SUMF2: variants seen among roughly 807,000 people sequenced by gnomAD.
The protein encoded by SUMF2 is inactive C-alpha-formylglycine-generating enzyme 2.
A neutral mutation model predicts 44.8 loss-of-function variants in SUMF2; 45 were observed. That is an observed-to-expected ratio of 1.00 (90% CI 0.79 to 1.29). The LOEUF (loss-of-function observed/expected upper bound fraction) is 1.29, where lower values mean the gene tolerates loss of function less well. Among genes scored for constraint, SUMF2 ranks in the 50% most tolerant of loss-of-function variants. The probability of loss-of-function intolerance (pLI) is 0.00; values close to 1 mark genes in which losing one functional copy is unlikely to be tolerated. For synonymous variants in SUMF2, 148 were observed against 150.4 expected (o/e 0.98, Z 0.12); for missense variants, 418 against 389.9 (o/e 1.07, Z -0.61).
At chr7:56,081,798 C>T (rs1396171123), downstream of SUMF2, 1 of 1,573,092 alleles carries the variant, frequency 6.4e-7, no homozygotes, top group African/African-American at 1.3e-5. This position sits in a 1 kb window ranked among gnomAD's most constrained non-coding sequence, Gnocchi z 4.6. Context: ...CAAGGCAGGT[C>T]CCCTCCAGCA....
the SUMF2 span, among the ~76,000 whole-genome samples, chr7:56,085,820 A>G: frequency 6.6e-6 from 1 of 151,934 alleles, no homozygotes; most frequent in Non-Finnish European, 1.5e-5. Flanking sequence ...TACACACATA[A>G]AAAATTTGCT....
chr7:56,074,333 G>A lies in SUMF2; in HGVS notation c.384+115G>A, dbSNP rs1584591032. ...GAACACTGAGTTTCAAAGAAGGATA[G>A]GGGAATATCAGGGAAAGCGCTCAGC... On this transcript the variant is annotated intron_variant, in intron 4 of 8. Coordinates refer to ENST00000434526, the MANE Select transcript of SUMF2 (RefSeq NM_015411.4). The A allele has an allele frequency of 1.1e-5, 14 of 1,232,996 alleles. No individual in the cohort carries two copies. The East Asian group carries it at 3.3e-4, about 29-fold the overall frequency. 76.4% of individuals were successfully genotyped at this position (1,232,996 alleles called of 1,614,324 possible). A position where few individuals can be genotyped will look rare whatever the true frequency, so the allele number is the denominator to read the frequency against.
chr7:56,082,471 T>C (rs1364599780), downstream of SUMF2, among the ~76,000 whole-genome samples: 3 of 152,114 alleles, frequency 2.0e-5, no homozygotes, highest in African/African-American at 7.2e-5. Flanking sequence ...CATGTGCCTG[T>C]AGTCCCAGCT....
chr7:56,079,318 T>C, intron 8 of SUMF2: 1 of 585,624 alleles, frequency 1.7e-6, no homozygotes, highest in South Asian at 2.2e-5. Context: ...AGACTCCTTT[T>C]GTCCCAAAGC....
chr7:56,074,440 A>G, intron 4 of SUMF2, 146 bp from the exon 5 acceptor site: 1 of 1,143,810 alleles, frequency 8.7e-7, no homozygotes. Context: ...CTTTTTTCTG[A>G]CTCCGACCAC....
chr7:56,068,031 C>CTTTTTTT (rs565131237), intron 1 of SUMF2, among the ~76,000 whole-genome samples: 1 of 110,350 alleles, frequency 9.1e-6, no homozygotes, highest in Admixed American at 9.8e-5. Context: ...TTTTTTCTTT[C>CTTTTTTT]TTTTTTTTTT....
chr7:56,082,818 C>T (rs1207048195), downstream of SUMF2, among the ~76,000 whole-genome samples: 2 of 151,948 alleles, frequency 1.3e-5, no homozygotes, highest in Non-Finnish European at 2.9e-5. Context: ...TGAAGAAATG[C>T]CTAGCCCTGC....
downstream of SUMF2, among the ~76,000 whole-genome samples, chr7:56,082,926 T>G (rs1292381231): frequency 2.6e-5 from 4 of 151,824 alleles, no homozygotes; most frequent in African/African-American, 9.7e-5. Context: ...ACCAACATGG[T>G]GAAACCCTGT....
chr7:56,068,790 C>T, intron 2 of SUMF2, 152 bp downstream of exon 2: 1 of 838,812 alleles, frequency 1.2e-6, no homozygotes. Flanking sequence ...GCAACCTCCA[C>T]CTCCCGGGTT....
intron 4 of SUMF2, 140 bp downstream of exon 4, chr7:56,074,358 C>A: frequency 9.3e-7 from 1 of 1,073,464 alleles, no homozygotes; most frequent in Non-Finnish European, 1.4e-6. Flanking sequence ...AAGCGCTCAG[C>A]AGGCCTGTTT....
intron 8 of SUMF2, chr7:56,079,282 C>T: frequency 1.8e-6 from 1 of 563,166 alleles, no homozygotes; most frequent in Non-Finnish European, 3.2e-6. Context: ...TCTCTTGGGG[C>T]CACTGTCCCT....
chr7:56,085,840 G>C, the SUMF2 span, among the ~76,000 whole-genome samples: 1 of 152,008 alleles, frequency 6.6e-6, no homozygotes, highest in African/African-American at 2.4e-5. Flanking sequence ...TGGGCATGGT[G>C]GTGGGTGCCT....
At chr7:56,085,589 C>T (rs937731435), downstream of SUMF2, among the ~76,000 whole-genome samples, 2 of 152,168 alleles carry the variant, frequency 1.3e-5, no homozygotes, top group Non-Finnish European at 2.9e-5. Context: ...TACCACCTGC[C>T]TCTCTCCTCA....
chr7:56,068,459 G>GT (rs1794954193), intron 1 of SUMF2, 23 bp from the exon 2 acceptor site: 8 of 1,597,102 alleles, frequency 5.0e-6, no homozygotes, highest in African/African-American at 1.4e-5. Flanking sequence ...TGTATTACTG[G>GT]TAACTCTCTT....
intron 8 of SUMF2, chr7:56,078,902 CTT>C (rs373822074): frequency 7.3e-4 from 288 of 392,146 alleles, no homozygotes; most frequent in South Asian, 3.2e-3. Context: ...CACGAAAAAT[CTT>C]TTTTTTTTTT....
chr7:56,081,756 C>G, downstream of SUMF2: 1 of 1,613,066 alleles, frequency 6.2e-7, no homozygotes, highest in East Asian at 2.2e-5. This position sits in a 1 kb window ranked among gnomAD's most constrained non-coding sequence, Gnocchi z 4.6. Context: ...ATCGGGAGAC[C>G]TGTGAGAGGA....
chr7:56,087,239 A>G, the SUMF2 span, among the ~76,000 whole-genome samples: 2 of 145,594 alleles, frequency 1.4e-5, no homozygotes, highest in East Asian at 3.9e-4. Context: ...TATTATTATT[A>G]GAGACAGGAT....
At chr7:56,074,445 G>A in intron 4 of SUMF2, 141 bp from the exon 5 acceptor site, 2 of 1,186,374 alleles carry the variant, frequency 1.7e-6, no homozygotes, top group South Asian at 1.5e-5. Context: ...TTCTGACTCC[G>A]ACCACTGGTC....
intron 2 of SUMF2, among the ~76,000 whole-genome samples, chr7:56,072,018 G>C (rs1044501996): frequency 1.4e-5 from 2 of 144,670 alleles, no homozygotes; most frequent in Non-Finnish European, 3.0e-5. Context: ...TGAGGCAAGA[G>C]AATCGCTTGA....
Sources: gnomAD v4.1 joint callset for allele counts (sites outside exome capture counted in the v4.1 genomes callset) on GRCh38, gnomAD v4.1.1 for gene constraint, Gnocchi (gnomAD v3.1) non-coding constraint, MANE v1.5 for transcripts, NCBI Gene and HGNC (gene_info 2026-07-23, HGNC 2026-07-21) for gene names.